Variants in KATNIP observed in about 807,000 individuals in gnomAD.
The protein encoded by KATNIP is katanin-interacting protein.
Under a neutral mutation model 174.0 loss-of-function variants are expected in KATNIP, and 126 were observed. The ratio of observed to expected loss-of-function variants is 0.72; its 90% CI spans 0.63 to 0.84. KATNIP has a LOEUF of 0.84. KATNIP is among the 40% of genes least tolerant of loss of function. The pLI, the probability that KATNIP is intolerant of heterozygous loss-of-function variation, is 0.00. For synonymous variants in KATNIP, 810 were observed against 835.7 expected, an observed-to-expected ratio of 0.97 and a Z score of 0.53; for missense variants, 1,958 against 2,109.7, an observed-to-expected ratio of 0.93 and a Z score of 1.41.
chr16:27,679,775 G>A (rs2078261241), intron 7 of KATNIP, among the ~76,000 whole-genome samples: 1 of 145,364 alleles, frequency 6.9e-6, no homozygotes, highest in African/African-American at 2.5e-5. Flanking sequence ...AAAAAAGTTT[G>A]AAGAGGACAC....
chr16:27,581,318 G>A (rs995148601), intron 2 of KATNIP, among the ~76,000 whole-genome samples: 1 of 152,188 alleles, frequency 6.6e-6, no homozygotes, highest in African/African-American at 2.4e-5. Flanking sequence ...ATGCTTAAAA[G>A]TAGAACTAAT....
chr16:27,649,021 G>A (rs562467483), intron 6 of KATNIP, among the ~76,000 whole-genome samples: 1 of 152,326 alleles, frequency 6.6e-6, no homozygotes, highest in East Asian at 1.9e-4. Flanking sequence ...AGAGGTTGGG[G>A]CAGAGCATGG....
chr16:27,715,298 AAAGACCTAAATGT>A (rs890822825), intron 13 of KATNIP, among the ~76,000 whole-genome samples: 11 of 152,334 alleles, frequency 7.2e-5, no homozygotes, highest in South Asian at 2.1e-4. Flanking sequence ...TCAATGGATC[AAAGACCTAAATGT>A]AAGAGCTAAA....
chr16:27,629,405 C>T (rs1346942018), intron 4 of KATNIP, among the ~76,000 whole-genome samples: 1 of 152,124 alleles, frequency 6.6e-6, no homozygotes, highest in East Asian at 1.9e-4. Context: ...AAGGAAATGT[C>T]TAGGGAAATT....
At position 27,751,862 on chromosome 16, in the gene KATNIP, A is replaced by G; in HGVS notation, c.3490A>G (p.Thr1164Ala). ...QDEEAMRRPS[T>A]ADGEGDERPF... Reference sequence around the variant, plus strand: ...TGAAGAGGCAATGAGGAGGCCCAGCACGGCCGACGGCGAGGGGGATGAGCG... The same window carrying G: ...TGAAGAGGCAATGAGGAGGCCCAGCGCGGCCGACGGCGAGGGGGATGAGCG... The change falls in exon 17 of 28, where the codon ACG becomes GCG. Residue 1164 changes from threonine (T) to alanine (A), a missense_variant. By Grantham distance (58) the Thr-to-Ala change is moderately conservative. This residue lies in a region of KATNIP where 1,557 missense variants were observed against 1,617.8 expected (regional missense o/e 0.96). Coordinates refer to ENST00000261588, the MANE Select transcript of KATNIP (RefSeq NM_015202.5). 6.2e-7 allele frequency: 1 copy of G among 1,613,880 alleles called. No individual in the cohort carries two copies. The highest frequency in any genetic ancestry group is 8.5e-7 in the Non-Finnish European group (1 of 1,180,014).
intron 19 of KATNIP, among the ~76,000 whole-genome samples, chr16:27,763,820 T>C (rs930078546): frequency 2.6e-5 from 4 of 152,164 alleles, no homozygotes; most frequent in Non-Finnish European, 2.9e-5. Flanking sequence ...CCTTTTTCCA[T>C]TTTTTTCTTG....
intron 5 of KATNIP, among the ~76,000 whole-genome samples, chr16:27,643,655 G>A (rs2076872096): frequency 6.6e-6 from 1 of 150,738 alleles, no homozygotes; most frequent in Non-Finnish European, 1.5e-5. Flanking sequence ...GCTTGGAGTG[G>A]CACCCAGTGA....
rs200234737 is a variant in KATNIP at position 27,771,548 on chromosome 16, G to A, written c.4134-40G>A. The A allele has an allele frequency of 4.0e-4, 640 of 1,598,986 alleles. 1 individual carries two copies. The highest frequency in any genetic ancestry group is 1.1e-3 in the African/African-American group (86 of 74,812). On this transcript the variant is annotated intron_variant, in intron 21 of 27. Coordinates refer to ENST00000261588, the MANE Select transcript of KATNIP (RefSeq NM_015202.5). ...GGTAACTGGCTGGTGATTCTGGGCC[G>A]TCGTGAGCTTCTTCATGGTGCTGTT...
intron 20 of KATNIP, among the ~76,000 whole-genome samples, chr16:27,768,987 G>C (rs1423760310): frequency 6.6e-6 from 1 of 152,234 alleles, no homozygotes; most frequent in Non-Finnish European, 1.5e-5. Context: ...AGTGATGGCT[G>C]TTGCCCCTCC....
intron 18 of KATNIP, among the ~76,000 whole-genome samples, chr16:27,758,090 C>T (rs1301895706): frequency 1.3e-5 from 2 of 152,104 alleles, no homozygotes; most frequent in Admixed American, 6.5e-5. Flanking sequence ...TTCAGAACAG[C>T]CCCAAATTAG....
At chr16:27,765,081 C>T (rs2082077175) in intron 19 of KATNIP, among the ~76,000 whole-genome samples, 1 of 152,128 alleles carries the variant, frequency 6.6e-6, no homozygotes, top group Admixed American at 6.5e-5. Context: ...TCTCCCAGTA[C>T]AGCAGCTGTG....
intron 5 of KATNIP, among the ~76,000 whole-genome samples, chr16:27,638,555 G>A (rs1012015718): frequency 8.5e-5 from 13 of 152,200 alleles, no homozygotes; most frequent in African/African-American, 1.4e-4. Flanking sequence ...CAAGTCCCCA[G>A]TGGCCAGTGG....
chr16:27,755,634 A>C (rs750063744), intron 18 of KATNIP: 1 of 151,740 alleles, frequency 6.6e-6, no homozygotes, highest in African/African-American at 2.4e-5. Context: ...TTTACTTTTT[A>C]ATTTGTATTT....
At chr16:27,682,158 T>C (rs1390999738) in intron 8 of KATNIP, among the ~76,000 whole-genome samples, 1 of 152,234 alleles carries the variant, frequency 6.6e-6, no homozygotes, top group African/African-American at 2.4e-5. Flanking sequence ...GTGCAAATGG[T>C]ACACAATTCT....
At chr16:27,576,338 C>G (rs1444400728) in intron 2 of KATNIP, among the ~76,000 whole-genome samples, 1 of 151,992 alleles carries the variant, frequency 6.6e-6, no homozygotes, top group Non-Finnish European at 1.5e-5. Flanking sequence ...ATCACAATAC[C>G]CAGGCTTAAC....
chr16:27,698,311 CT>C lies in KATNIP; in HGVS notation c.941-16del. On this transcript the variant is annotated splice_polypyrimidine_tract_variant and intron_variant, in intron 8 of 27. Coordinates refer to ENST00000261588, the MANE Select transcript of KATNIP (RefSeq NM_015202.5). ...GAATATAATCTAAAAGAACGTCCCCCTGTCTTCTGCCCTCAGGACCTGGAAG... is the reference window on the plus strand; with the variant it reads ...GAATATAATCTAAAAGAACGTCCCCCGTCTTCTGCCCTCAGGACCTGGAAG... The C allele has an allele frequency of 6.3e-7, 1 of 1,596,884 alleles. No homozygotes were observed. Among genetic ancestry groups the C allele is most frequent in the Non-Finnish European group, 8.6e-7 (1 of 1,169,094 alleles).
At chr16:27,556,815 C>T (rs1411166699) in intron 1 of KATNIP, among the ~76,000 whole-genome samples, 1 of 152,144 alleles carries the variant, frequency 6.6e-6, no homozygotes, top group South Asian at 2.1e-4. Context: ...TGCAATAAAA[C>T]AAAGCAAGCA....
At chr16:27,772,303 A>G (rs1181139431) in intron 22 of KATNIP, among the ~76,000 whole-genome samples, 1 of 152,156 alleles carries the variant, frequency 6.6e-6, no homozygotes, top group Non-Finnish European at 1.5e-5. Flanking sequence ...CAGCTAGGAA[A>G]ACTGAGGCAC....
chr16:27,666,947 C>T (rs868408858), intron 6 of KATNIP, among the ~76,000 whole-genome samples: 10 of 152,150 alleles, frequency 6.6e-5, no homozygotes, highest in Admixed American at 5.9e-4. Context: ...ATTGTAGATT[C>T]CGTAAGTCTG....
Sources: allele counts gnomAD v4.1 joint callset (sites outside exome capture counted in the v4.1 genomes callset), GRCh38; gene constraint gnomAD v4.1.1; regional missense constraint gnomAD v4.1.1; transcripts MANE v1.5; gene names NCBI Gene and HGNC (gene_info 2026-07-23, HGNC 2026-07-21).